PDE11A: variants seen among roughly 807,000 people sequenced by gnomAD.
PDE11A encodes dual 3',5'-cyclic-AMP and -GMP phosphodiesterase 11A.
In PDE11A, 100 loss-of-function variants were observed where a neutral mutation model predicts 100.5. That is an observed-to-expected ratio of 1.00 (90% CI 0.85 to 1.18). The LOEUF (loss-of-function observed/expected upper bound fraction) is 1.18, where lower values mean the gene tolerates loss of function less well. Ranked by LOEUF, PDE11A falls within the 50% of genes most tolerant of loss-of-function variation. The probability of loss-of-function intolerance (pLI) is 0.00; values close to 1 mark genes in which losing one functional copy is unlikely to be tolerated. For synonymous variants in PDE11A, 381 were observed against 420.8 expected (o/e 0.91, Z 1.16); for missense variants, 1,141 against 1,152.6 (o/e 0.99, Z 0.15).
At chr2:177,727,841 ATC>A in intron 11 of PDE11A, 76 bp from the exon 12 acceptor site, 1 of 1,018,194 alleles carries the variant, frequency 9.8e-7, no homozygotes, top group South Asian at 1.3e-5. Context: ...GGTGCCTTAT[ATC>A]TGAGTAACCC....
At chr2:177,671,380 T>C (rs1451876726) in intron 17 of PDE11A, among the ~76,000 whole-genome samples, 1 of 152,138 alleles carries the variant, frequency 6.6e-6, no homozygotes, top group African/African-American at 2.4e-5. Flanking sequence ...ATTGAGATGC[T>C]AATCAGGCCT....
chr2:177,932,287 T>G (rs1025150829), intron 2 of PDE11A, among the ~76,000 whole-genome samples: 30 of 152,140 alleles, frequency 2.0e-4, no homozygotes, highest in African/African-American at 7.2e-4. Flanking sequence ...AGAGGAGGGA[T>G]TCTTCCCTAA....
At chr2:177,961,613 A>G (rs1197050011) in intron 2 of PDE11A, among the ~76,000 whole-genome samples, 3 of 152,114 alleles carry the variant, frequency 2.0e-5, no homozygotes, top group Non-Finnish European at 2.9e-5. Flanking sequence ...TGGAAAGTCA[A>G]TACATACTAC....
intron 2 of PDE11A, among the ~76,000 whole-genome samples, chr2:178,102,384 C>CAA (rs1006709225): frequency 6.6e-6 from 1 of 151,732 alleles, no homozygotes; most frequent in Non-Finnish European, 1.5e-5. Flanking sequence ...CTCGGCCTCC[C>CAA]AAAGTGCTGG....
intron 1 of PDE11A, among the ~76,000 whole-genome samples, chr2:178,018,641 G>A (rs1056733495): frequency 3.3e-5 from 5 of 152,114 alleles, no homozygotes; most frequent in Non-Finnish European, 7.3e-5. Context: ...CAAAGTCCTG[G>A]GCTCAAGCAA....
intron 10 of PDE11A, among the ~76,000 whole-genome samples, chr2:177,767,408 T>C (rs546436922): frequency 6.6e-6 from 1 of 152,284 alleles, no homozygotes; most frequent in East Asian, 1.9e-4. Flanking sequence ...TCTAGTCATA[T>C]GAGTCAAAGC....
intron 6 of PDE11A, among the ~76,000 whole-genome samples, chr2:177,832,421 T>C (rs1032145646): frequency 2.6e-5 from 4 of 152,196 alleles, no homozygotes; most frequent in African/African-American, 9.7e-5. Context: ...TTGTGCTGGA[T>C]GCTTCCTGCC....
At chr2:178,057,538 A>G (rs557776107) in intron 1 of PDE11A, among the ~76,000 whole-genome samples, 1 of 152,330 alleles carries the variant, frequency 6.6e-6, no homozygotes, top group South Asian at 2.1e-4. Context: ...GCCTTGCCCA[A>G]AAGATATCAC....
intron 1 of PDE11A, among the ~76,000 whole-genome samples, chr2:178,051,364 T>C (rs993342135): frequency 4.6e-5 from 7 of 152,076 alleles, no homozygotes; most frequent in East Asian, 3.9e-4. Flanking sequence ...AAGCACTAAA[T>C]ATGGAAAGGA....
intron 2 of PDE11A, chr2:177,997,523 G>A: frequency 1.2e-6 from 1 of 813,154 alleles, no homozygotes; most frequent in Non-Finnish European, 2.2e-6. Flanking sequence ...TGCTTTCAAT[G>A]CAACAACTTT....
chr2:177,694,009 C>T (rs2081076552), intron 15 of PDE11A, among the ~76,000 whole-genome samples: 1 of 152,164 alleles, frequency 6.6e-6, no homozygotes, highest in African/African-American at 2.4e-5. Context: ...TTTAGACAGG[C>T]AAGTGAATCA....
intron 4 of PDE11A, among the ~76,000 whole-genome samples, chr2:177,878,848 C>CT (rs369774187): frequency 4.0e-5 from 6 of 149,922 alleles, no homozygotes; most frequent in African/African-American, 1.5e-4. Context: ...ATAAACTCTA[C>CT]TTTATTTACT....
intron 17 of PDE11A, 65 bp downstream of exon 17, chr2:177,675,390 T>C (rs2080754965): frequency 1.8e-6 from 2 of 1,123,730 alleles, no homozygotes; most frequent in South Asian, 1.2e-5. Flanking sequence ...GCTCTGGGAA[T>C]ATTGTGTCCC....
At chr2:177,846,021 A>C (rs765346875) in intron 5 of PDE11A, among the ~76,000 whole-genome samples, 13 of 143,940 alleles carry the variant, frequency 9.0e-5, no homozygotes, top group Non-Finnish European at 2.0e-4. Flanking sequence ...AAAGAGAGGG[A>C]GGGGGAGACC....
chr2:177,807,235 C>T (rs558550509), intron 9 of PDE11A, among the ~76,000 whole-genome samples: 76 of 151,918 alleles, frequency 5.0e-4, no homozygotes, highest in East Asian at 1.7e-3. Flanking sequence ...CTAGTAACAA[C>T]GGAAGCCAAA....
intron 6 of PDE11A, among the ~76,000 whole-genome samples, chr2:177,839,849 A>G (rs2083460953): frequency 6.6e-6 from 1 of 152,216 alleles, no homozygotes; most frequent in Non-Finnish European, 1.5e-5. Context: ...GTTTTAATAT[A>G]TTCTGTATAT....
intron 1 of PDE11A, among the ~76,000 whole-genome samples, chr2:178,027,387 G>A (rs192849574): frequency 1.3e-5 from 2 of 152,122 alleles, no homozygotes; most frequent in African/African-American, 4.8e-5. Flanking sequence ...TTTCCTAAGG[G>A]TGATGAAATT....
chr2:177,791,070 A>G (rs367803458), intron 9 of PDE11A, among the ~76,000 whole-genome samples: 2 of 152,200 alleles, frequency 1.3e-5, no homozygotes, highest in South Asian at 2.1e-4. Flanking sequence ...TCATGGTGCT[A>G]TAAAGACACA....
chr2:177,850,074 C>T (rs1044853172), intron 5 of PDE11A, among the ~76,000 whole-genome samples: 5 of 152,140 alleles, frequency 3.3e-5, no homozygotes, highest in Non-Finnish European at 5.9e-5. Context: ...CCCACATTGC[C>T]AAGTCAATCC....
Sources: allele counts gnomAD v4.1 joint callset (sites outside exome capture counted in the v4.1 genomes callset), GRCh38; gene constraint gnomAD v4.1.1; transcripts MANE v1.5; gene names NCBI Gene and HGNC (gene_info 2026-07-23, HGNC 2026-07-21).